Variants in NCAM1 observed in about 807,000 individuals in gnomAD.
The protein encoded by NCAM1 is neural cell adhesion molecule 1.
In NCAM1, 14 loss-of-function variants were observed where a neutral mutation model predicts 109.8. The observed-to-expected ratio is 0.13, with a 90% confidence interval of 0.08 to 0.20. The LOEUF is 0.20. Among genes scored for constraint, NCAM1 ranks in the 10% least tolerant of loss-of-function variants. NCAM1 has a pLI of 1.00. For missense variants in NCAM1, 774 were observed against 1,109.9 expected (o/e 0.70, Z 4.30); for synonymous variants, 418 against 442.9 (o/e 0.94, Z 0.70).
At chr11:113,081,510 T>G (rs1938816403) in intron 1 of NCAM1, among the ~76,000 whole-genome samples, 2 of 152,222 alleles carry the variant, frequency 1.3e-5, no homozygotes, top group Non-Finnish European at 2.9e-5. Flanking sequence ...ATCTGCCGCA[T>G]GCCACAAGCG....
At position 112,961,558 on chromosome 11, in the gene NCAM1, G is replaced by GC. The variant is rs781792212; in HGVS notation, c.-55_-54insC. ...GCCGCCGTCCACACTCGCTGCAGGGGGGGGGGCACAGAATTTACCGCGGCA... is the reference window on the plus strand; with the variant it reads ...GCCGCCGTCCACACTCGCTGCAGGGGCGGGGGGCACAGAATTTACCGCGGCA... On this transcript the variant is annotated 5_prime_UTR_variant, in exon 1 of 20. Coordinates refer to ENST00000316851, the MANE Select transcript of NCAM1 (RefSeq NM_181351.5). The GC allele has an allele frequency of 4.4e-6, 5 of 1,129,712 alleles. No homozygotes were observed. The highest frequency in any genetic ancestry group is 3.7e-5 in the South Asian group (3 of 80,788). The allele number at this position is 1,129,712 out of a possible 1,614,324, so 70.0% of individuals were successfully genotyped here. A position where few individuals can be genotyped will look rare whatever the true frequency, so the allele number is the denominator to read the frequency against.
chr11:112,970,889 A>G (rs1262333595), intron 1 of NCAM1, among the ~76,000 whole-genome samples: 3 of 152,168 alleles, frequency 2.0e-5, no homozygotes, highest in African/African-American at 7.2e-5. Flanking sequence ...AACCAAGGGT[A>G]GATGATAGAT....
At chr11:113,255,817 G>T in intron 15 of NCAM1, 60 bp from the exon 16 acceptor site, 1 of 1,589,682 alleles carries the variant, frequency 6.3e-7, no homozygotes, top group Non-Finnish European at 8.6e-7. Context: ...ATCCCATTCA[G>T]ATGGGTTGGA....
intron 1 of NCAM1, among the ~76,000 whole-genome samples, chr11:113,139,504 A>T (rs1281809048): frequency 6.6e-6 from 1 of 152,202 alleles, no homozygotes; most frequent in African/African-American, 2.4e-5. Flanking sequence ...AAGTTGCAGG[A>T]AACATCAAAT....
At chr11:112,964,579 A>C (rs1950681417) in intron 1 of NCAM1, among the ~76,000 whole-genome samples, 1 of 152,206 alleles carries the variant, frequency 6.6e-6, no homozygotes, top group African/African-American at 2.4e-5. Context: ...TAGTATATAT[A>C]ATATCTCTCA....
chr11:113,083,014 T>A (rs1376232339), intron 1 of NCAM1, among the ~76,000 whole-genome samples: 1 of 151,966 alleles, frequency 6.6e-6, no homozygotes, highest in African/African-American at 2.4e-5. Context: ...CTTTGCCTGT[T>A]ATCACCTAGG....
intron 3 of NCAM1, among the ~76,000 whole-genome samples, chr11:113,204,950 G>A (rs532013126): frequency 2.6e-5 from 4 of 152,260 alleles, no homozygotes; most frequent in Admixed American, 6.5e-5. Flanking sequence ...GTGGCATCTC[G>A]TTACCTTGTT....
chr11:113,092,212 C>A (rs1296536609), intron 1 of NCAM1, among the ~76,000 whole-genome samples: 1 of 152,078 alleles, frequency 6.6e-6, no homozygotes, highest in Non-Finnish European at 1.5e-5. Context: ...TTCAATTAAA[C>A]TTCATAATGT....
rs112112686 is a variant in NCAM1, at chr11:113,095,184, T to C, written c.53-107195T>C. Among the ~76,000 whole-genome samples, 189 of 152,302 alleles carry C rather than the reference T, an allele frequency of 1.2e-3. 2 individuals carry two copies. Among genetic ancestry groups the C allele is most frequent in the African/African-American group, 4.3e-3 (180 of 41,560 alleles). The stretch of plus-strand genomic sequence containing the variant: ...GAAGAGCGGCAGTATAGCTGATCCA[T>C]CATAAATTAACATTAACTAAGTACT... On this transcript the variant is annotated intron_variant, in intron 1 of 19. Coordinates refer to ENST00000316851, the MANE Select transcript of NCAM1 (RefSeq NM_181351.5).
chr11:113,001,095 T>C (rs1346996095), intron 1 of NCAM1, among the ~76,000 whole-genome samples: 3 of 152,114 alleles, frequency 2.0e-5, no homozygotes, highest in Non-Finnish European at 4.4e-5. Flanking sequence ...TAGTCAGTTT[T>C]CAGAACAGCC....
At chr11:113,104,912 T>A (rs1940083385) in intron 1 of NCAM1, among the ~76,000 whole-genome samples, 1 of 152,248 alleles carries the variant, frequency 6.6e-6, no homozygotes, top group Non-Finnish European at 1.5e-5. Flanking sequence ...TTTAATCAAA[T>A]AGGCTGTGAC....
In NCAM1 at chr11:113,207,247, CT is replaced by C; in HGVS notation, c.629-8del. ...ATTTTCACAACCACCCCATGACACC[CT>C]TTTTTCCTTCAGTGCCACCTACCAT... On this transcript the variant is annotated splice_polypyrimidine_tract_variant and intron_variant, in intron 5 of 19. Transcript: ENST00000316851. The C allele has an allele frequency of 5.0e-6, 8 of 1,610,828 alleles. No homozygotes were observed. Among genetic ancestry groups the C allele is most frequent in the Non-Finnish European group, 6.8e-6 (8 of 1,177,146 alleles).
chr11:113,218,517 T>C (rs971193437), intron 8 of NCAM1, among the ~76,000 whole-genome samples: 7 of 152,196 alleles, frequency 4.6e-5, no homozygotes, highest in African/African-American at 1.7e-4. Context: ...ACCATAGACA[T>C]ATAGTTACTA....
At chr11:113,056,066 A>G (rs1215604135) in intron 1 of NCAM1, among the ~76,000 whole-genome samples, 1 of 143,418 alleles carries the variant, frequency 7.0e-6, no homozygotes, top group Non-Finnish European at 1.5e-5. Flanking sequence ...ATGAAATACT[A>G]TTCATCTAGA....
chr11:112,970,685 G>A (rs1200829763), intron 1 of NCAM1, among the ~76,000 whole-genome samples: 1 of 152,150 alleles, frequency 6.6e-6, no homozygotes, highest in Non-Finnish European at 1.5e-5. Flanking sequence ...ATATTTCACA[G>A]CTATACATTT....
At chr11:113,202,727 C>G (rs561422423) in intron 2 of NCAM1, among the ~76,000 whole-genome samples, 2 of 152,196 alleles carry the variant, frequency 1.3e-5, no homozygotes, top group South Asian at 4.1e-4. Context: ...AGCACAACTT[C>G]CAGAATAGTG....
In NCAM1 at chr11:113,160,533, C is replaced by T. The variant is rs143617006; in HGVS notation, c.53-41846C>T. Among the ~76,000 whole-genome samples, 1,103 of 152,256 alleles carry T rather than the reference C, an allele frequency of 7.2e-3. 5 individuals carry two copies. Among genetic ancestry groups the T allele is most frequent in the Middle Eastern group, 0.014 (4 of 294 alleles). On this transcript the variant is annotated intron_variant, in intron 1 of 19. Coordinates refer to ENST00000316851, the MANE Select transcript of NCAM1 (RefSeq NM_181351.5). ...ATCAGACACAACCCATGTTACTGATCTTCAATAAAGAGAAACTCCAGAGCA... is the reference window on the plus strand; with the variant it reads ...ATCAGACACAACCCATGTTACTGATTTTCAATAAAGAGAAACTCCAGAGCA...
intron 1 of NCAM1, among the ~76,000 whole-genome samples, chr11:113,168,159 T>C (rs1016013196): frequency 1.3e-5 from 2 of 152,244 alleles, no homozygotes; most frequent in Non-Finnish European, 1.5e-5. Context: ...ATTTGAAGGA[T>C]GTTCCTTGAA....
chr11:113,219,478 A>C (rs1409413178), intron 8 of NCAM1, among the ~76,000 whole-genome samples: 1 of 152,264 alleles, frequency 6.6e-6, no homozygotes, highest in Non-Finnish European at 1.5e-5. Flanking sequence ...TATGAATATC[A>C]AAACAACCTA....
Sources: gnomAD v4.1 joint callset for allele counts (sites outside exome capture counted in the v4.1 genomes callset) on GRCh38, gnomAD v4.1.1 for gene constraint, MANE v1.5 for transcripts, NCBI Gene and HGNC (gene_info 2026-07-23, HGNC 2026-07-21) for gene names.